The following ESR1 variants were observed in gnomAD, a reference collection of about 807,000 sequenced individuals.
ESR1 encodes estrogen receptor 1, also known as estrogen receptor.
Under a neutral mutation model 52.7 loss-of-function variants are expected in ESR1, and 12 were observed. That is an observed-to-expected ratio of 0.23 (90% CI 0.15 to 0.37). The LOEUF is 0.37. Among genes scored for constraint, ESR1 ranks in the 10% least tolerant of loss-of-function variants. The pLI is 1.00. For synonymous variants in ESR1, 305 were observed against 316.8 expected (o/e 0.96, Z 0.39); for missense variants, 584 against 779.7 (o/e 0.75, Z 2.99).
intron 5 of ESR1, among the ~76,000 whole-genome samples, chr6:152,019,224 TG>T (rs2043419198): frequency 6.6e-6 from 1 of 152,160 alleles, no homozygotes; most frequent in African/African-American, 2.4e-5. Flanking sequence ...GCACTTTAAA[TG>T]GGCCAATTCA....
chr6:152,097,942 A>C (rs988569229), intron 7 of ESR1, among the ~76,000 whole-genome samples: 1 of 152,210 alleles, frequency 6.6e-6, no homozygotes, highest in Admixed American at 6.5e-5. Context: ...GCTGAGAAAA[A>C]CAGAACGGTG....
intron 5 of ESR1, among the ~76,000 whole-genome samples, chr6:152,021,736 G>A (rs985259461): frequency 1.3e-5 from 2 of 152,116 alleles, no homozygotes; most frequent in Non-Finnish European, 2.9e-5. Flanking sequence ...TACTTCCCAC[G>A]TGTTGTGGGA....
At chr6:151,791,585 G>A (rs186517189) in intron 2 of ESR1, among the ~76,000 whole-genome samples, 1 of 152,284 alleles carries the variant, frequency 6.6e-6, no homozygotes, top group African/African-American at 2.4e-5. Context: ...ATTAAGAGAA[G>A]TCCATGCTGT....
intron 5 of ESR1, among the ~76,000 whole-genome samples, chr6:152,013,351 C>A (rs1562670091): frequency 6.6e-6 from 1 of 152,088 alleles, no homozygotes; most frequent in Non-Finnish European, 1.5e-5. Context: ...TAACATTTCC[C>A]TGCCTACTGC....
chr6:151,675,206 T>G (rs1320451448), intron 1 of ESR1, among the ~76,000 whole-genome samples: 1 of 152,250 alleles, frequency 6.6e-6, no homozygotes, highest in Non-Finnish European at 1.5e-5. Flanking sequence ...ATGTATGGTT[T>G]AGAAAACATT....
rs1035795035 is a variant in ESR1, at chr6:151,993,399, C to T, written c.1097-18257C>T. ...TAATATTAGCTTCTCTTCTCTGGGT[C>T]GGACTTGGCCCAGAGCAAGTGAACA... On this transcript the variant is annotated intron_variant, in intron 4 of 7. Transcript: ENST00000206249. Among the ~76,000 whole-genome samples the T allele has an allele frequency of 3.2e-4, 49 of 152,080 alleles. 1 individual carries two copies. Among genetic ancestry groups the T allele is most frequent in the Non-Finnish European group, 7.4e-5 (5 of 68,020 alleles).
chr6:151,915,295 T>C (rs2029866506), intron 3 of ESR1, among the ~76,000 whole-genome samples: 2 of 152,200 alleles, frequency 1.3e-5, no homozygotes, highest in Admixed American at 1.3e-4. Context: ...CAAGAATGCA[T>C]GGAATTCTGC....
chr6:151,865,889 C>A (rs1007549487), intron 2 of ESR1, among the ~76,000 whole-genome samples: 6 of 152,194 alleles, frequency 3.9e-5, no homozygotes, highest in Non-Finnish European at 8.8e-5. Context: ...GGATGGAATG[C>A]AGCTTGAGAA....
intron 1 of ESR1, among the ~76,000 whole-genome samples, chr6:151,679,609 C>T (rs1778380624): frequency 6.6e-6 from 1 of 152,208 alleles, no homozygotes; most frequent in Non-Finnish European, 1.5e-5. Context: ...CCTGCCTCAG[C>T]CTCCCAAGAG....
At chr6:151,842,546 G>C (rs2128233839) in intron 1 of ESR1, 51 bp from the exon 2 acceptor site, 1 of 1,479,444 alleles carries the variant, frequency 6.8e-7, no homozygotes, top group Middle Eastern at 2.0e-4. Flanking sequence ...CCCAGAGAGT[G>C]CATGTTTTGC....
intron 6 of ESR1, among the ~76,000 whole-genome samples, chr6:152,080,572 A>G (rs894077819): frequency 6.6e-6 from 1 of 152,218 alleles, no homozygotes; most frequent in African/African-American, 2.4e-5. Context: ...AAGACCATCG[A>G]CGCTATGAAG....
intron 5 of ESR1, among the ~76,000 whole-genome samples, chr6:152,017,849 G>A (rs1449461308): frequency 6.6e-6 from 1 of 151,932 alleles, no homozygotes; most frequent in Non-Finnish European, 1.5e-5. Flanking sequence ...TTTTACTGGC[G>A]CCTTCCATGC....
At chr6:151,943,701 A>G (rs1481823355) in intron 3 of ESR1, among the ~76,000 whole-genome samples, 1 of 152,186 alleles carries the variant, frequency 6.6e-6, no homozygotes, top group Non-Finnish European at 1.5e-5. Context: ...TGCCCTTTTA[A>G]TTTACTATTA....
intron 1 of ESR1, among the ~76,000 whole-genome samples, chr6:151,841,395 C>T (rs986785802): frequency 6.6e-6 from 1 of 152,208 alleles, no homozygotes; most frequent in Non-Finnish European, 1.5e-5. Context: ...AAACTCCTTG[C>T]TAAGAGTCTG....
In ESR1 at chr6:152,103,202, C is replaced by T. The variant is rs2051012770; in HGVS notation, c.*4236C>T. ...CCTCTTTTGCACTTTGAAAAAGAATCCAGCGGGATGCTCGAGCACCTGTAA... is the reference window on the plus strand; with the variant it reads ...CCTCTTTTGCACTTTGAAAAAGAATTCAGCGGGATGCTCGAGCACCTGTAA... On this transcript the variant is annotated 3_prime_UTR_variant, in exon 8 of 8. Transcript: ENST00000206249. 5.2e-6 allele frequency: 1 copy of T among 193,116 alleles called. No homozygotes were observed. The highest frequency in any genetic ancestry group is 1.9e-4 in the South Asian group (1 of 5,158). 12.0% of individuals were successfully genotyped at this position (193,116 alleles called of 1,614,324 possible).
At chr6:152,063,153 C>T (rs2047683333) in intron 6 of ESR1, among the ~76,000 whole-genome samples, 1 of 152,176 alleles carries the variant, frequency 6.6e-6, no homozygotes, top group South Asian at 2.1e-4. Context: ...GTTAAACTTT[C>T]ATACTCCATC....
chr6:151,969,191 A>G (rs765649911), intron 4 of ESR1, among the ~76,000 whole-genome samples: 44 of 152,274 alleles, frequency 2.9e-4, no homozygotes, highest in Non-Finnish European at 6.0e-4. Context: ...TTGTTGTTCC[A>G]TCTACTCTAA....
At chr6:152,067,600 T>G (rs1391910257) in intron 6 of ESR1, among the ~76,000 whole-genome samples, 2 of 152,170 alleles carry the variant, frequency 1.3e-5, no homozygotes, top group Admixed American at 1.3e-4. Flanking sequence ...CTGAGGCAGG[T>G]GCATTGCCTG....
chr6:151,932,546 G>A (rs1280519390), intron 3 of ESR1, among the ~76,000 whole-genome samples: 4 of 118,544 alleles, frequency 3.4e-5, no homozygotes, highest in Non-Finnish European at 1.7e-5. Flanking sequence ...TGTCCTGAAT[G>A]GTAATGCCTA....
Sources: gnomAD v4.1 joint callset for allele counts (sites outside exome capture counted in the v4.1 genomes callset) on GRCh38, gnomAD v4.1.1 for gene constraint, MANE v1.5 for transcripts, NCBI Gene and HGNC (gene_info 2026-07-23, HGNC 2026-07-21) for gene names.